The following PCDH9 variants were observed in gnomAD, a reference collection of about 807,000 sequenced individuals.
PCDH9 encodes the protein protocadherin-9.
In PCDH9, 24 loss-of-function variants were observed where a neutral mutation model predicts 70.6. The ratio of observed to expected loss-of-function variants is 0.34; its 90% CI spans 0.25 to 0.48. PCDH9 has a LOEUF of 0.48. Ranked by LOEUF, PCDH9 falls within the 20% of genes least tolerant of loss-of-function variation. PCDH9 has a pLI of 0.99. For missense variants in PCDH9, 1,281 were observed against 1,503.6 expected (o/e 0.85, Z 2.45); for synonymous variants, 562 against 558.5 (o/e 1.01, Z -0.09).
intron 4 of PCDH9, among the ~76,000 whole-genome samples, chr13:66,359,514 G>C (rs908388295): frequency 1.3e-5 from 2 of 149,972 alleles, no homozygotes; most frequent in East Asian, 1.9e-4. Flanking sequence ...AAATAAAATA[G>C]AAAGCCCTCA....
rs113730186 is a variant in PCDH9, at chr13:67,173,306, C to A, written c.3036+52099G>T. Among the ~76,000 whole-genome samples, 102 of 152,290 alleles carry A rather than the reference C, an allele frequency of 6.7e-4. 1 individual carries two copies. Among genetic ancestry groups the A allele is most frequent in the South Asian group, 1.2e-3 (6 of 4,828 alleles). On this transcript the variant is annotated intron_variant, in intron 2 of 4. Transcript: ENST00000377865. Reference sequence around the variant, plus strand: ...AAGTTGAAGAAGAGAGTGGGGAAATCTACCACCTAAGAGGTACAGGTATTG... The same window carrying A: ...AAGTTGAAGAAGAGAGTGGGGAAATATACCACCTAAGAGGTACAGGTATTG...
At chr13:66,933,977 A>C (rs1204388056) in intron 2 of PCDH9, among the ~76,000 whole-genome samples, 1 of 151,972 alleles carries the variant, frequency 6.6e-6, no homozygotes, top group East Asian at 1.9e-4. Context: ...TTAACGTGTA[A>C]TCATGCTGAA....
chr13:66,626,804 G>T (rs894472557), intron 4 of PCDH9, among the ~76,000 whole-genome samples: 2 of 151,948 alleles, frequency 1.3e-5, no homozygotes, highest in African/African-American at 4.8e-5. Context: ...TTTGTTTTTG[G>T]CATTGCATGT....
intron 2 of PCDH9, among the ~76,000 whole-genome samples, chr13:67,088,255 T>C (rs775720487): frequency 8.6e-5 from 13 of 151,994 alleles, no homozygotes; most frequent in Non-Finnish European, 1.9e-4. Flanking sequence ...CTCAAATCAT[T>C]TTAGATTGTG....
chr13:66,327,034 A>G (rs1955861287), intron 4 of PCDH9, among the ~76,000 whole-genome samples: 1 of 151,830 alleles, frequency 6.6e-6, no homozygotes, highest in Non-Finnish European at 1.5e-5. Context: ...AAGGCAGTCC[A>G]AATTGTCTTT....
intron 2 of PCDH9, among the ~76,000 whole-genome samples, chr13:67,011,397 C>G (rs1407869288): frequency 6.6e-6 from 1 of 151,802 alleles, no homozygotes; most frequent in African/African-American, 2.4e-5. Flanking sequence ...AAAATAATTA[C>G]CACTTTTCTA....
chr13:66,970,212 A>G (rs1236489098), intron 2 of PCDH9, among the ~76,000 whole-genome samples: 1 of 152,078 alleles, frequency 6.6e-6, no homozygotes, highest in Non-Finnish European at 1.5e-5. Context: ...GATGATTATT[A>G]CTTTCACATA....
chr13:67,097,822 G>A (rs139306954), intron 2 of PCDH9, among the ~76,000 whole-genome samples: 127 of 152,244 alleles, frequency 8.3e-4, no homozygotes, highest in Middle Eastern at 6.8e-3. Flanking sequence ...GCCTACTGTT[G>A]TGGGGTATAT....
chr13:66,305,423 G>GTAGAACAA (rs1955448832), intron 4 of PCDH9, among the ~76,000 whole-genome samples: 1 of 151,770 alleles, frequency 6.6e-6, no homozygotes, highest in African/African-American at 2.4e-5. Flanking sequence ...ATTATAAAAA[G>GTAGAACAA]TAGAACAATT....
At chr13:66,895,510 T>C (rs2082163113) in intron 3 of PCDH9, among the ~76,000 whole-genome samples, 1 of 152,242 alleles carries the variant, frequency 6.6e-6, no homozygotes, top group Non-Finnish European at 1.5e-5. Flanking sequence ...CCATGTTCTC[T>C]GCAAATGTTC....
At chr13:66,743,854 A>G (rs1343450644) in intron 3 of PCDH9, among the ~76,000 whole-genome samples, 2 of 152,198 alleles carry the variant, frequency 1.3e-5, no homozygotes, top group Admixed American at 1.3e-4. Context: ...AGAAAACAAA[A>G]CACAAGTAGT....
intron 2 of PCDH9, among the ~76,000 whole-genome samples, chr13:66,993,579 T>A (rs893611834): frequency 6.6e-6 from 1 of 152,172 alleles, no homozygotes; most frequent in Non-Finnish European, 1.5e-5. Flanking sequence ...TTTTGGCCAC[T>A]ATCATACCAT....
intron 3 of PCDH9, among the ~76,000 whole-genome samples, chr13:66,730,163 T>C (rs2079053977): frequency 6.6e-6 from 1 of 152,186 alleles, no homozygotes; most frequent in Non-Finnish European, 1.5e-5. Flanking sequence ...TGACAAGATT[T>C]TATATATGCA....
At chr13:66,634,426 A>G (rs1245795686) in intron 3 of PCDH9, among the ~76,000 whole-genome samples, 1 of 152,172 alleles carries the variant, frequency 6.6e-6, no homozygotes, top group Non-Finnish European at 1.5e-5. Flanking sequence ...AACAAAGACC[A>G]ATAAGGTGTA....
chr13:67,142,203 C>G (rs901189172), intron 2 of PCDH9, among the ~76,000 whole-genome samples: 3 of 152,060 alleles, frequency 2.0e-5, no homozygotes, highest in African/African-American at 7.2e-5. Context: ...TTTAAAAAAT[C>G]AAACAGAATT....
chr13:67,095,181 C>T (rs1009080580), intron 2 of PCDH9, among the ~76,000 whole-genome samples: 9 of 152,048 alleles, frequency 5.9e-5, no homozygotes, highest in African/African-American at 2.2e-4. Flanking sequence ...ATTCAACCGA[C>T]TGTTACTTGC....
intron 3 of PCDH9, among the ~76,000 whole-genome samples, chr13:66,858,273 C>T (rs1055401348): frequency 6.6e-6 from 1 of 152,098 alleles, no homozygotes; most frequent in Non-Finnish European, 1.5e-5. Context: ...TTTTCAAAAA[C>T]TTACTTGAGT....
chr13:67,094,891 G>A (rs890668152), intron 2 of PCDH9, among the ~76,000 whole-genome samples: 1 of 151,932 alleles, frequency 6.6e-6, no homozygotes, highest in Non-Finnish European at 1.5e-5. Flanking sequence ...TTTCTTCCTA[G>A]CCCCAGAATC....
intron 3 of PCDH9, among the ~76,000 whole-genome samples, chr13:66,874,893 T>C (rs2081770067): frequency 1.3e-5 from 2 of 149,396 alleles, no homozygotes; most frequent in African/African-American, 5.0e-5. Context: ...GCAGATAATA[T>C]ATTGTGTGTA....
Sources: allele counts gnomAD v4.1 joint callset (sites outside exome capture counted in the v4.1 genomes callset), GRCh38; gene constraint gnomAD v4.1.1; transcripts MANE v1.5; gene names NCBI Gene and HGNC (gene_info 2026-07-23, HGNC 2026-07-21).